The following PRR3 variants were observed in gnomAD, a reference collection of about 807,000 sequenced individuals.
The protein encoded by PRR3 is proline rich 3, also known as proline-rich protein 3.
A neutral mutation model predicts 22.4 loss-of-function variants in PRR3; 16 were observed. The observed-to-expected ratio is 0.71, with a 90% CI of 0.48 to 1.09. The LOEUF is 1.09. Ranked by LOEUF, PRR3 falls within the 50% of genes least tolerant of loss-of-function variation. PRR3 has a pLI of 0.00. For synonymous variants in PRR3, 87 were observed against 88.6 expected, an observed-to-expected ratio of 0.98 and a Z score of 0.10; for missense variants, 224 against 243.4, an observed-to-expected ratio of 0.92 and a Z score of 0.53.
In PRR3 at chr6:30,561,863, G is replaced by A; in HGVS notation, c.199G>A (p.Gly67Arg). ...ALHRGPPGSR[G>R]PLIPPLLSLP... ...TCACAGAGGTCCTCCAGGATCAAGG[G>A]GACCACTGATTCCACCACTGCTGAG... The change falls in exon 3 of 4, where the codon GGA becomes AGA. Residue 67 changes from glycine to arginine, a missense_variant. Physicochemically the swap from Gly to Arg is moderately radical, Grantham distance 125. Coordinates refer to ENST00000376560, the MANE Select transcript of PRR3 (RefSeq NM_025263.4). This position sits in a 1 kb window ranked among gnomAD's most constrained non-coding sequence, Gnocchi z 4.0. 2 of 1,578,712 alleles carry A rather than the reference G, an allele frequency of 1.3e-6. No homozygotes were observed. Among genetic ancestry groups the A allele is most frequent in the Non-Finnish European group, 1.7e-6 (2 of 1,162,764 alleles).
chr6:30,561,483 G>A lies in PRR3; in HGVS notation c.170-351G>A, dbSNP rs1483907641. The A allele has an allele frequency of 5.6e-6, 3 of 536,154 alleles. No homozygotes were observed. Among genetic ancestry groups the A allele is most frequent in the Non-Finnish European group, 1.1e-5 (3 of 282,070 alleles). The allele number at this position is 536,154 out of a possible 1,614,324, so 33.2% of individuals were successfully genotyped here. ...TCACAAACATGATGTTGAGCGAAAGGAGCCAGACATAAAAGAATGCAGACT... is the reference window on the plus strand; with the variant it reads ...TCACAAACATGATGTTGAGCGAAAGAAGCCAGACATAAAAGAATGCAGACT... On this transcript the variant is annotated intron_variant, in intron 2 of 3. Coordinates refer to ENST00000376560, the MANE Select transcript of PRR3 (RefSeq NM_025263.4). This position sits in a 1 kb window ranked among gnomAD's most constrained non-coding sequence, Gnocchi z 4.0.
intron 2 of PRR3, among the ~76,000 whole-genome samples, chr6:30,559,600 C>G (rs1189389278): frequency 6.6e-6 from 1 of 152,042 alleles, no homozygotes; most frequent in Non-Finnish European, 1.5e-5. Flanking sequence ...TGAACAAGTA[C>G]TCAATATCAT....
chr6:30,556,791 C>T (rs1800243934), upstream of PRR3: 1 of 466,270 alleles, frequency 2.1e-6, no homozygotes, highest in Non-Finnish European at 3.9e-6. The surrounding 1 kb of genome is among the most constrained non-coding windows in gnomAD (Gnocchi z 5.7). Flanking sequence ...GTCTGAGAGT[C>T]CTGGGTGCCG....
chr6:30,560,628 CA>C (rs1392537512), intron 2 of PRR3: 1 of 151,036 alleles, frequency 6.6e-6, no homozygotes, highest in Admixed American at 6.6e-5. Context: ...ACTAAAAATA[CA>C]AAAATTAGCC....
intron 1 of PRR3, 141 bp from the exon 2 acceptor site, chr6:30,558,009 T>C (rs1800373058): frequency 5.9e-6 from 4 of 679,486 alleles, no homozygotes; most frequent in Non-Finnish European, 1.0e-5. Flanking sequence ...ATAGATGGGG[T>C]GAGAACTCCC....
At chr6:30,557,138 AGGTTGC>A (rs1319943711), upstream of PRR3, 9 of 702,700 alleles carry the variant, frequency 1.3e-5, no homozygotes, top group Non-Finnish European at 1.8e-5. Flanking sequence ...GGAAGGTGTG[AGGTTGC>A]CGCCATGCCT....
chr6:30,561,766 T>A lies in PRR3; in HGVS notation c.170-68T>A. ...TCTTCAATAAAAAAAATTTTTTTAA[T>A]CACGGTTTATCAGGATTCAGCTGCC... On this transcript the variant is annotated intron_variant, in intron 2 of 3. Transcript: ENST00000376560. This position sits in a 1 kb window ranked among gnomAD's most constrained non-coding sequence, Gnocchi z 4.0. 1 of 1,437,982 alleles carries A rather than the reference T, an allele frequency of 7.0e-7. No homozygotes were observed. Among genetic ancestry groups the A allele is most frequent in the Non-Finnish European group, 9.2e-7 (1 of 1,089,178 alleles). The allele number at this position is 1,437,982 out of a possible 1,614,324, so 89.1% of individuals were successfully genotyped here. A position where few individuals can be genotyped will look rare whatever the true frequency, so the allele number is the denominator to read the frequency against.
Position 30,562,439 on chromosome 6 carries a change from C to T in PRR3, c.511C>T (p.Arg171Ter), listed in dbSNP as rs371871050. 1.2e-6 allele frequency: 2 copies of T among 1,614,152 alleles called. No individual in the cohort carries two copies. Among genetic ancestry groups the T allele is most frequent in the East Asian group, 2.2e-5 (1 of 44,890 alleles). The change falls in exon 4 of 4, where the codon CGA (arginine) becomes TGA (stop). Residue 171 changes from arginine to a stop codon, truncating the protein, a stop_gained. Transcript: ENST00000376560. LOFTEE classifies it high-confidence loss of function. ...CRHFAKKGHC[R>*]YEDLCAFYHP... ...ACATTTTGCCAAAAAGGGCCACTGT[C>T]GATATGAGGACCTCTGTGCCTTCTA...
upstream of PRR3, chr6:30,557,232 G>T: frequency 1.2e-6 from 1 of 819,770 alleles, no homozygotes; most frequent in Non-Finnish European, 2.1e-6. Context: ...GAAGTGGAAT[G>T]GCGGGAGCCT....
upstream of PRR3, chr6:30,557,169 G>A (rs1276145807): frequency 1.4e-6 from 1 of 705,150 alleles, no homozygotes; most frequent in Admixed American, 2.0e-5. Context: ...GAGACGGAGG[G>A]AGGCAGTTGG....
rs1468891802 is a variant in PRR3 at position 30,557,314 on chromosome 6, A to G, written c.-31A>G. ...GCGTGCCCCTTCCTCACTACCCTCC[A>G]AATCCCGCTGCAGCCATTGCCGCAG... On this transcript the variant is annotated 5_prime_UTR_variant, in exon 1 of 4. Coordinates refer to ENST00000376560, the MANE Select transcript of PRR3 (RefSeq NM_025263.4). The G allele has an allele frequency of 6.3e-7, 1 of 1,583,584 alleles. No homozygotes were observed. The highest frequency in any genetic ancestry group is 2.3e-5 in the East Asian group (1 of 44,436).
chr6:30,558,551 A>G lies in PRR3; in HGVS notation c.169+339A>G, dbSNP rs1047297091. ...GAATATCAAGATTTGTAAGCTGGGC[A>G]TGGTGGCACACGCCTGTAGTCCCAG... On this transcript the variant is annotated intron_variant, in intron 2 of 3. Coordinates refer to ENST00000376560, the MANE Select transcript of PRR3 (RefSeq NM_025263.4). 1.7e-4 allele frequency: 52 copies of G among 312,856 alleles called. No homozygotes were observed. In the Middle Eastern group the frequency reaches 2.9e-3, roughly 18 times the overall value. The allele number at this position is 312,856 out of a possible 1,614,324, so 19.4% of individuals were successfully genotyped here.
At position 30,563,130 on chromosome 6, in the gene PRR3, C is replaced by G. The variant is rs1044611199; in HGVS notation, c.*635C>G. On this transcript the variant is annotated 3_prime_UTR_variant, in exon 4 of 4. Coordinates refer to ENST00000376560, the MANE Select transcript of PRR3 (RefSeq NM_025263.4). The stretch of plus-strand genomic sequence containing the variant: ...CGTGCTTTGTGAAACTGTGCATCCC[C>G]TTGTAGCCTTTCTCAGTGTCCGTGG... 1 of 152,658 alleles carries G rather than the reference C, an allele frequency of 6.6e-6. No individual in the cohort carries two copies. The highest frequency in any genetic ancestry group is 1.5e-5 in the Non-Finnish European group (1 of 68,072). The allele number at this position is 152,658 out of a possible 1,614,324, so 9.5% of individuals were successfully genotyped here.
Position 30,561,579 on chromosome 6 carries a change from T to A in PRR3, c.170-255T>A. 1.7e-6 allele frequency: 1 copy of A among 599,352 alleles called. No individual in the cohort carries two copies. The highest frequency in any genetic ancestry group is 2.0e-5 in the South Asian group (1 of 50,066). The allele number at this position is 599,352 out of a possible 1,614,324, so 37.1% of individuals were successfully genotyped here. ...CTATGGTGTCAGGATAGTGGTTACC[T>A]TTGGGGAGGAGGGTGGGTAATGGGA... is the stretch of plus-strand genomic sequence containing the variant. On this transcript the variant is annotated intron_variant, in intron 2 of 3. Transcript: ENST00000376560. The surrounding 1 kb of genome is among the most constrained non-coding windows in gnomAD (Gnocchi z 4.0).
upstream of PRR3, chr6:30,557,222 G>T (rs1174485354): frequency 7.6e-6 from 6 of 786,642 alleles, no homozygotes; most frequent in Admixed American, 2.0e-5. Context: ...CAACCTTCCG[G>T]AAGTGGAATG....
In PRR3 at chr6:30,561,935, G is replaced by A. The variant is rs760281827; in HGVS notation, c.271G>A (p.Gly91Ser). The part of the protein sequence containing the change: ...WGRGPIRRGL[G>S]PRSSPYGRGW... ...TAGAGGCCCAATTCGGAGAGGGCTT[G>A]GCCCCAGGTCTAGCCCATATGGTCG... The change falls in exon 3 of 4, where the codon GGC becomes AGC. Residue 91 changes from glycine (G) to serine (S), a missense_variant. Gly to Ser is a moderately conservative substitution (Grantham distance 56). Coordinates refer to ENST00000376560, the MANE Select transcript of PRR3 (RefSeq NM_025263.4). This position sits in a 1 kb window ranked among gnomAD's most constrained non-coding sequence, Gnocchi z 4.0. The A allele has an allele frequency of 3.7e-6, 6 of 1,612,972 alleles. No homozygotes were observed. The highest frequency in any genetic ancestry group is 5.1e-6 in the Non-Finnish European group (6 of 1,180,030).
intron 2 of PRR3, among the ~76,000 whole-genome samples, chr6:30,559,864 A>T (rs1295573717): frequency 6.6e-6 from 1 of 152,208 alleles, no homozygotes; most frequent in Admixed American, 6.5e-5. Context: ...TCATGTTCAT[A>T]GCAGCAGTAT....
rs1014942179 is a variant in PRR3 at position 30,561,325 on chromosome 6, T to A, written c.170-509T>A. On this transcript the variant is annotated intron_variant, in intron 2 of 3. Transcript: ENST00000376560. This position sits in a 1 kb window ranked among gnomAD's most constrained non-coding sequence, Gnocchi z 4.0. ...ATGTTTATAGTGGCATTTCTCGTTA[T>A]AGCCCCAAACTGGATACCACCCACA... 4.4e-6 allele frequency: 2 copies of A among 456,282 alleles called. No individual in the cohort carries two copies. The allele number at this position is 456,282 out of a possible 1,614,324, so 28.3% of individuals were successfully genotyped here.
chr6:30,559,303 G>C (rs982408585), intron 2 of PRR3, among the ~76,000 whole-genome samples: 1 of 152,168 alleles, frequency 6.6e-6, no homozygotes, highest in Non-Finnish European at 1.5e-5. Context: ...CTTGAACCTG[G>C]AAGGCGGAGG....
Sources: gnomAD v4.1 joint callset for allele counts (sites outside exome capture counted in the v4.1 genomes callset) on GRCh38, gnomAD v4.1.1 for gene constraint, Gnocchi (gnomAD v3.1) non-coding constraint, MANE v1.5 for transcripts, NCBI Gene and HGNC (gene_info 2026-07-23, HGNC 2026-07-21) for gene names.